KANSL1L: variants seen among roughly 807,000 people sequenced by gnomAD.
KANSL1L encodes the protein KAT8 regulatory NSL complex subunit 1 like.
A neutral mutation model predicts 108.6 loss-of-function variants in KANSL1L; 25 were observed. The ratio of observed to expected loss-of-function variants is 0.23; its 90% confidence interval spans 0.17 to 0.32. The LOEUF is 0.32. Among genes scored for constraint, KANSL1L ranks in the 10% least tolerant of loss-of-function variants. KANSL1L has a pLI of 1.00. For missense variants in KANSL1L, 1,137 were observed against 1,125.7 expected (o/e 1.01, Z -0.14); for synonymous variants, 405 against 395.1 (o/e 1.03, Z -0.30).
intron 2 of KANSL1L, among the ~76,000 whole-genome samples, chr2:210,139,878 AC>A (rs200257277): frequency 0.012 from 1,621 of 132,102 alleles, 21 homozygotes; most frequent in African/African-American, 0.041. Flanking sequence ...AGTGGCTGGA[AC>A]TGCAGGTGCA....
At chr2:210,124,730 C>A (rs1416092045) in intron 3 of KANSL1L, among the ~76,000 whole-genome samples, 1 of 151,778 alleles carries the variant, frequency 6.6e-6, no homozygotes, top group Non-Finnish European at 1.5e-5. Flanking sequence ...TTGAAAGCAT[C>A]AACAAAATCG....
chr2:210,145,338 G>A (rs1489853965), intron 2 of KANSL1L, among the ~76,000 whole-genome samples: 1 of 152,204 alleles, frequency 6.6e-6, no homozygotes, highest in African/African-American at 2.4e-5. Context: ...TCTGGAGCAT[G>A]AGCATGTGTA....
chr2:210,096,752 GT>G (rs2094739605), intron 5 of KANSL1L: 1 of 955,720 alleles, frequency 1.0e-6, no homozygotes, highest in African/African-American at 1.8e-5. Flanking sequence ...CGTTCAACAT[GT>G]TTTATCACTG....
chr2:210,157,783 G>A (rs889324933), intron 1 of KANSL1L, among the ~76,000 whole-genome samples: 3 of 150,788 alleles, frequency 2.0e-5, no homozygotes, highest in African/African-American at 7.3e-5. Context: ...AGGCCTAAGA[G>A]GTGGATCGTT....
chr2:210,097,301 A>G, intron 5 of KANSL1L: 2 of 787,734 alleles, frequency 2.5e-6, no homozygotes, highest in African/African-American at 1.9e-5. Flanking sequence ...TTTATGCTAT[A>G]TTAGAAAGTT....
rs566070384 is a variant in KANSL1L at position 210,163,325 on chromosome 2, T to A, written c.-30+7824A>T. ...AGAGATGGAAATTCTAAAAAGAGAATAAAAATGAAATGCTAGAAATCAAAA... is the reference window on the plus strand; with the variant it reads ...AGAGATGGAAATTCTAAAAAGAGAAAAAAAATGAAATGCTAGAAATCAAAA... On this transcript the variant is annotated intron_variant, in intron 1 of 14. Transcript: ENST00000281772. 2.8e-3 allele frequency among the ~76,000 whole-genome samples: 424 copies of A among 152,154 alleles called. 2 individuals are homozygous for A. Among genetic ancestry groups the A allele is most frequent in the Non-Finnish European group, 4.6e-3 (315 of 67,974 alleles).
intron 6 of KANSL1L, among the ~76,000 whole-genome samples, chr2:210,047,526 C>T (rs1389937725): frequency 6.6e-6 from 1 of 152,166 alleles, no homozygotes; most frequent in Non-Finnish European, 1.5e-5. Context: ...TCCTCATTTC[C>T]ATCTGAGGTT....
At chr2:210,162,387 T>C (rs971034878) in intron 1 of KANSL1L, among the ~76,000 whole-genome samples, 5 of 151,718 alleles carry the variant, frequency 3.3e-5, no homozygotes, top group South Asian at 4.2e-4. Flanking sequence ...GGGTGGTCAG[T>C]GGTGCTATTT....
chr2:210,032,976 T>A (rs1164153506), intron 8 of KANSL1L: 5 of 152,180 alleles, frequency 3.3e-5, no homozygotes, highest in Admixed American at 6.5e-5. Context: ...ATTGTTCAAA[T>A]GTTAAAATCA....
At position 210,118,405 on chromosome 2, in the gene KANSL1L, C is replaced by T. The variant is rs376545839; in HGVS notation, c.1230+10626G>A. On this transcript the variant is annotated intron_variant, in intron 3 of 14. Coordinates refer to ENST00000281772, the MANE Select transcript of KANSL1L (RefSeq NM_152519.4). ...GTTGCTTGAATCGGGAGGTGGAGGT[C>T]GCACTGTGAGCTCAGATCGCACCAT... Among the ~76,000 whole-genome samples, 8 of 142,706 alleles carry T rather than the reference C, an allele frequency of 5.6e-5. No homozygotes were observed. The East Asian group carries it at 8.5e-4, about 15-fold the overall frequency. The allele number at this position is 142,706 out of a possible 152,430, so 93.6% of individuals were successfully genotyped here. A position where few individuals can be genotyped will look rare whatever the true frequency, so the allele number is the denominator to read the frequency against.
intron 5 of KANSL1L, among the ~76,000 whole-genome samples, chr2:210,094,780 CATTA>C (rs779805317): frequency 4.6e-5 from 7 of 151,186 alleles, no homozygotes; most frequent in African/African-American, 4.9e-5. Context: ...GTTTTATAAG[CATTA>C]ATTAAGTACT....
chr2:210,052,047 G>A (rs1247888416), intron 6 of KANSL1L, among the ~76,000 whole-genome samples: 1 of 147,360 alleles, frequency 6.8e-6, no homozygotes, highest in Non-Finnish European at 1.5e-5. Context: ...GTCACCCACG[G>A]TGGAGAGTGG....
intron 8 of KANSL1L, among the ~76,000 whole-genome samples, chr2:210,037,335 A>C (rs1168365777): frequency 1.3e-5 from 2 of 152,182 alleles, no homozygotes; most frequent in Non-Finnish European, 1.5e-5. Context: ...TTATCATCAT[A>C]ATGATAATGC....
chr2:210,131,150 G>A (rs769306212), intron 2 of KANSL1L, among the ~76,000 whole-genome samples: 2 of 152,158 alleles, frequency 1.3e-5, no homozygotes, highest in Non-Finnish European at 2.9e-5. Flanking sequence ...TGGAGGAGGA[G>A]AATAGCCCAG....
rs2095097197 is a variant in KANSL1L, at chr2:210,129,185, CA to C, written c.1089-14del. 1 of 1,595,296 alleles carries C rather than the reference CA, an allele frequency of 6.3e-7. No homozygotes were observed. The highest frequency in any genetic ancestry group is 8.5e-7 in the Non-Finnish European group (1 of 1,169,890). Reference sequence around the variant, plus strand: ...AGTACTACAGTTACTGTGAACAAAACAAACACTGTTACTCAAAGCACAAAGG... The same window carrying C: ...AGTACTACAGTTACTGTGAACAAAACAACACTGTTACTCAAAGCACAAAGG... On this transcript the variant is annotated splice_polypyrimidine_tract_variant and intron_variant, in intron 2 of 14. Transcript: ENST00000281772.
intron 6 of KANSL1L, among the ~76,000 whole-genome samples, chr2:210,059,868 A>G (rs1323299500): frequency 6.6e-6 from 1 of 152,054 alleles, no homozygotes; most frequent in Non-Finnish European, 1.5e-5. Flanking sequence ...CAGCCTCCCA[A>G]ATAGCTGGGA....
intron 1 of KANSL1L, among the ~76,000 whole-genome samples, chr2:210,169,444 CAT>C (rs745682217): frequency 4.6e-5 from 7 of 152,230 alleles, no homozygotes; most frequent in Non-Finnish European, 8.8e-5. Flanking sequence ...GAAAAATACA[CAT>C]ATATGCAGAC....
At chr2:210,059,421 T>C (rs1313108888) in intron 6 of KANSL1L, among the ~76,000 whole-genome samples, 1 of 151,620 alleles carries the variant, frequency 6.6e-6, no homozygotes, top group Non-Finnish European at 1.5e-5. Flanking sequence ...AAGTAGTAAG[T>C]AATTTGCACA....
chr2:210,132,162 T>C (rs1290344565), intron 2 of KANSL1L, among the ~76,000 whole-genome samples: 1 of 152,338 alleles, frequency 6.6e-6, no homozygotes, highest in East Asian at 1.9e-4. Flanking sequence ...CAGATAAATA[T>C]ATGGCTAACT....
Sources: gnomAD v4.1 joint callset for allele counts (sites outside exome capture counted in the v4.1 genomes callset) on GRCh38, gnomAD v4.1.1 for gene constraint, MANE v1.5 for transcripts, NCBI Gene and HGNC (gene_info 2026-07-23, HGNC 2026-07-21) for gene names.